Variants in ZNF407 observed in about 807,000 individuals in gnomAD.
ZNF407 encodes the protein zinc finger protein 407.
A neutral mutation model predicts 131.2 loss-of-function variants in ZNF407; 17 were observed. The ratio of observed to expected loss-of-function variants is 0.13; its 90% CI spans 0.09 to 0.19. The LOEUF is 0.19. Among genes scored for constraint, ZNF407 ranks in the 10% least tolerant of loss-of-function variants. ZNF407 has a pLI of 1.00. For missense variants in ZNF407, 2,681 were observed against 2,830.6 expected (o/e 0.95, Z 1.20); for synonymous variants, 1,156 against 1,062.0 (o/e 1.09, Z -1.72).
In ZNF407 at chr18:74,631,799, T is replaced by C; in HGVS notation, c.780T>C (p.Asn260=). 6.2e-7 allele frequency: 1 copy of C among 1,614,076 alleles called. No homozygotes were observed. Among genetic ancestry groups the C allele is most frequent in the Non-Finnish European group, 8.5e-7 (1 of 1,179,912 alleles). The change falls in exon 2 of 9, where the codon AAT becomes AAC. Residue 260 remains asparagine, a synonymous_variant. Coordinates refer to ENST00000299687, the MANE Select transcript of ZNF407 (RefSeq NM_017757.3). ...AGTGTTCAGAAGAAAACTTGTTGAA[T>C]GCACATTATCTTGGCAAAACACATC... The part of the protein sequence containing the change: ...GFQCSEENLL[N]AHYLGKTHLR...
chr18:74,930,757 G>A (rs1375914302), intron 8 of ZNF407, among the ~76,000 whole-genome samples: 3 of 152,122 alleles, frequency 2.0e-5, no homozygotes, highest in African/African-American at 7.2e-5. Context: ...CCTGTGCCCT[G>A]TGTGCACCCC....
At chr18:74,676,693 CAG>C (rs1986404051) in intron 3 of ZNF407, among the ~76,000 whole-genome samples, 1 of 152,190 alleles carries the variant, frequency 6.6e-6, no homozygotes, top group East Asian at 1.9e-4. Flanking sequence ...CTTGGCCTCC[CAG>C]AATGCTGGGA....
chr18:74,782,276 C>G (rs1969617767), intron 4 of ZNF407, among the ~76,000 whole-genome samples: 1 of 152,096 alleles, frequency 6.6e-6, no homozygotes, highest in South Asian at 2.1e-4. Context: ...TTTTTTAATA[C>G]TGTTTTCAAA....
At chr18:74,718,391 G>T (rs1967948332) in intron 3 of ZNF407, among the ~76,000 whole-genome samples, 1 of 151,908 alleles carries the variant, frequency 6.6e-6, no homozygotes, top group Non-Finnish European at 1.5e-5. Flanking sequence ...AGTTGTGCTG[G>T]TGCGTGCCTA....
At chr18:75,027,358 T>C (rs1973183510) in intron 8 of ZNF407, among the ~76,000 whole-genome samples, 1 of 152,178 alleles carries the variant, frequency 6.6e-6, no homozygotes, top group Non-Finnish European at 1.5e-5. Flanking sequence ...TTTACCCTTT[T>C]CTCCTTTATG....
chr18:75,044,341 T>TA (rs576478773), intron 8 of ZNF407, among the ~76,000 whole-genome samples: 554 of 147,388 alleles, frequency 3.8e-3, no homozygotes, highest in Middle Eastern at 0.021. Context: ...TCTTTTTTTT[T>TA]AAAAAAAAAA....
At chr18:74,767,018 T>C (rs767739595) in intron 3 of ZNF407, among the ~76,000 whole-genome samples, 1 of 152,176 alleles carries the variant, frequency 6.6e-6, no homozygotes, top group Non-Finnish European at 1.5e-5. Flanking sequence ...TTCAAGCGAT[T>C]CTCCTGTCTC....
intron 2 of ZNF407, among the ~76,000 whole-genome samples, chr18:74,636,905 G>A (rs1417866247): frequency 2.0e-5 from 3 of 152,148 alleles, no homozygotes; most frequent in African/African-American, 4.8e-5. Flanking sequence ...TTTCTGAAAC[G>A]ATACAGTTTT....
intron 7 of ZNF407, among the ~76,000 whole-genome samples, chr18:74,901,998 C>T (rs760793391): frequency 1.3e-5 from 2 of 151,576 alleles, no homozygotes; most frequent in Non-Finnish European, 1.5e-5. Flanking sequence ...TAAGTGAGTC[C>T]GTGTTGTAAA....
At chr18:74,967,394 T>C (rs1972421460) in intron 8 of ZNF407, among the ~76,000 whole-genome samples, 1 of 152,254 alleles carries the variant, frequency 6.6e-6, no homozygotes, top group African/African-American at 2.4e-5. Flanking sequence ...CATATTAGTG[T>C]CAATATTATT....
chr18:75,064,520 CGGTGG>C lies in ZNF407; in HGVS notation c.*55_*59del. On this transcript the variant is annotated 3_prime_UTR_variant, in exon 9 of 9. Coordinates refer to ENST00000299687, the MANE Select transcript of ZNF407 (RefSeq NM_017757.3). ...GGGCAGGTGTGGGAAGGTCCAGCTT[CGGTGG>C]GGGACCGTGTTCCCTGAGCTTCATC... 3 of 1,388,732 alleles carry C rather than the reference CGGTGG, an allele frequency of 2.2e-6. No homozygotes were observed. In the South Asian group the frequency reaches 4.6e-5, roughly 21 times the overall value. 86.0% of individuals were successfully genotyped at this position (1,388,732 alleles called of 1,614,324 possible).
chr18:74,996,633 C>A (rs1017444315), intron 8 of ZNF407, among the ~76,000 whole-genome samples: 6 of 152,168 alleles, frequency 3.9e-5, no homozygotes, highest in African/African-American at 7.2e-5. Context: ...ACAACTTCTG[C>A]TGATGAAGAA....
intron 3 of ZNF407, among the ~76,000 whole-genome samples, chr18:74,733,822 ACAT>A (rs2144901383): frequency 6.6e-6 from 1 of 152,334 alleles, no homozygotes; most frequent in East Asian, 1.9e-4. Flanking sequence ...TACCATAAAG[ACAT>A]CATCCTGCAG....
chr18:75,006,169 C>T (rs1018561472), intron 8 of ZNF407, among the ~76,000 whole-genome samples: 1 of 152,146 alleles, frequency 6.6e-6, no homozygotes, highest in African/African-American at 2.4e-5. Flanking sequence ...CTCTGCACTG[C>T]CGCTCCTATT....
rs150147859 is a variant in ZNF407, at chr18:74,847,312, T to C, written c.4878-29885T>C. 3.9e-5 allele frequency among the ~76,000 whole-genome samples: 6 copies of C among 152,302 alleles called. No individual in the cohort carries two copies. In the East Asian group the frequency reaches 1.2e-3, roughly 29 times the overall value. ...TATTACAATATTAACTCTAAATGCA[T>C]CTCACTTCTCTCATATCAACCACTC... On this transcript the variant is annotated intron_variant, in intron 4 of 8. Transcript: ENST00000299687.
chr18:74,664,541 AC>A (rs1363320021), intron 3 of ZNF407, among the ~76,000 whole-genome samples: 1 of 152,210 alleles, frequency 6.6e-6, no homozygotes, highest in Non-Finnish European at 1.5e-5. Flanking sequence ...CTATGCCCAA[AC>A]CACTTCACAC....
At chr18:74,733,125 T>A (rs527601497) in intron 3 of ZNF407, among the ~76,000 whole-genome samples, 1 of 152,248 alleles carries the variant, frequency 6.6e-6, no homozygotes, top group East Asian at 1.9e-4. Context: ...TTTGGCTTTT[T>A]TTTCAAGATA....
intron 8 of ZNF407, among the ~76,000 whole-genome samples, chr18:75,029,908 G>A (rs1187900596): frequency 3.9e-5 from 6 of 152,176 alleles, no homozygotes; most frequent in African/African-American, 9.7e-5. Flanking sequence ...AGGCTGCTTC[G>A]CTTCAGAAAC....
intron 4 of ZNF407, among the ~76,000 whole-genome samples, chr18:74,857,079 G>A (rs779435814): frequency 9.2e-5 from 14 of 152,144 alleles, no homozygotes; most frequent in Non-Finnish European, 1.0e-4. Context: ...ATCTTACAGC[G>A]TATACTGCAG....
Sources: allele counts gnomAD v4.1 joint callset (sites outside exome capture counted in the v4.1 genomes callset), GRCh38; gene constraint gnomAD v4.1.1; transcripts MANE v1.5; gene names NCBI Gene and HGNC (gene_info 2026-07-23, HGNC 2026-07-21).